Variants in MAP3K14 observed in about 807,000 individuals in gnomAD.
The protein encoded by MAP3K14 is mitogen-activated protein kinase kinase kinase 14.
A neutral mutation model predicts 99.2 loss-of-function variants in MAP3K14; 16 were observed. The ratio of observed to expected loss-of-function variants is 0.16; its 90% CI spans 0.11 to 0.24. The LOEUF (loss-of-function observed/expected upper bound fraction) is 0.24. Among genes scored for constraint, MAP3K14 ranks in the 10% least tolerant of loss-of-function variants. MAP3K14 has a pLI of 1.00. For missense variants in MAP3K14, 784 were observed against 1,208.7 expected (o/e 0.65, Z 5.21); for synonymous variants, 462 against 492.4 (o/e 0.94, Z 0.82).
chr17:45,267,076 G>A lies in MAP3K14; in HGVS notation c.2433+16C>T, dbSNP rs1439224208. The A allele has an allele frequency of 1.9e-6, 3 of 1,554,520 alleles. No individual in the cohort carries two copies. The highest frequency in any genetic ancestry group is 2.6e-6 in the Non-Finnish European group (3 of 1,145,716). ...ACACCCCTGGAGCCATGGCTCCGGG[G>A]CCACAACCGACTCACCTTCTCACTG... On this transcript the variant is annotated intron_variant, in intron 13 of 15. Coordinates refer to ENST00000344686, the MANE Select transcript of MAP3K14 (RefSeq NM_003954.5). This position sits in a 1 kb window ranked among gnomAD's most constrained non-coding sequence, Gnocchi z 5.1.
chr17:45,271,164 C>T lies in MAP3K14; in HGVS notation c.1715G>A (p.Ser572Asn). 1 of 1,613,598 alleles carries T rather than the reference C, an allele frequency of 6.2e-7. No individual in the cohort carries two copies. The highest frequency in any genetic ancestry group is 8.5e-7 in the Non-Finnish European group (1 of 1,179,806). ...HMAPEVVLGR[S>N]CDAKVDVWSS... ...CCAGACATCCACCTTGGCGTCGCAGCTCCTGCCCAGCACCACCTCCGGAGC... is the reference window on the plus strand; with the variant it reads ...CCAGACATCCACCTTGGCGTCGCAGTTCCTGCCCAGCACCACCTCCGGAGC... Residue 572 changes from serine (S) to asparagine (N), a missense_variant, in exon 10 of 16, where the codon AGC (serine) becomes AAC (asparagine). Physicochemically the swap from Ser to Asn is conservative, Grantham distance 46. Transcript: ENST00000344686.
intron 1 of MAP3K14, among the ~76,000 whole-genome samples, chr17:45,302,785 C>A (rs1356000946): frequency 3.9e-5 from 6 of 152,218 alleles, no homozygotes; most frequent in African/African-American, 9.6e-5. Context: ...CATGTGTGGG[C>A]AGGAAACTTC....
chr17:45,305,944 A>G (rs1054260117), intron 1 of MAP3K14, among the ~76,000 whole-genome samples: 4 of 152,326 alleles, frequency 2.6e-5, no homozygotes, highest in Non-Finnish European at 5.9e-5. Context: ...CTGCGTGATG[A>G]ACTGGGACCC....
In MAP3K14 at chr17:45,266,634, G is replaced by A. The variant is rs1274303569; in HGVS notation, c.2481C>T (p.Gly827=). Reference sequence around the variant, plus strand: ...CGGCCTGGCTGCTCCAGGAGTGTACGCCTGAGCTCAGGGTGTCCCGCGAGC... The same window carrying A: ...CGGCCTGGCTGCTCCAGGAGTGTACACCTGAGCTCAGGGTGTCCCGCGAGC... ...SQSSRDTLSS[G]VHSWSSQAEA... The change falls in exon 14 of 16, where the codon GGC becomes GGT. Residue 827 remains glycine (G), a synonymous_variant. Coordinates refer to ENST00000344686, the MANE Select transcript of MAP3K14 (RefSeq NM_003954.5). 13 of 1,613,476 alleles carry A rather than the reference G, an allele frequency of 8.1e-6. No homozygotes were observed. Among genetic ancestry groups the A allele is most frequent in the African/African-American group, 5.3e-5 (4 of 74,914 alleles).
intron 1 of MAP3K14, among the ~76,000 whole-genome samples, chr17:45,291,128 C>T (rs1638611981): frequency 6.6e-6 from 1 of 152,146 alleles, no homozygotes; most frequent in African/African-American, 2.4e-5. Context: ...TTATGGCAAA[C>T]TTTGTTTCCC....
chr17:45,310,513 A>G (rs2044466431), intron 1 of MAP3K14, among the ~76,000 whole-genome samples: 1 of 152,114 alleles, frequency 6.6e-6, no homozygotes, highest in South Asian at 2.1e-4. Flanking sequence ...GGCTACAATA[A>G]TTCTTTGCAC....
intron 1 of MAP3K14, 79 bp from the exon 2 acceptor site, chr17:45,290,844 G>A: frequency 1.4e-6 from 2 of 1,435,070 alleles, no homozygotes; most frequent in Admixed American, 2.0e-5. Context: ...GGTTGGGGGA[G>A]AAAGGCAGGG....
chr17:45,306,492 T>A (rs989850064), intron 1 of MAP3K14, among the ~76,000 whole-genome samples: 6 of 152,152 alleles, frequency 3.9e-5, no homozygotes, highest in Non-Finnish European at 7.4e-5. Flanking sequence ...GAAGAAAGAC[T>A]CCAAGCTGGA....
At chr17:45,275,607 T>C (rs2044173875) in intron 6 of MAP3K14, among the ~76,000 whole-genome samples, 1 of 152,072 alleles carries the variant, frequency 6.6e-6, no homozygotes, top group Non-Finnish European at 1.5e-5. Context: ...GAACATTTTT[T>C]CCTCCAGCTA....
At chr17:45,290,854 G>C in intron 1 of MAP3K14, 89 bp from the exon 2 acceptor site, 1 of 1,318,708 alleles carries the variant, frequency 7.6e-7, no homozygotes, top group Non-Finnish European at 1.1e-6. Context: ...GAAAGGCAGG[G>C]GCAAAGGGTC....
At chr17:45,296,040 CAT>C (rs1352882845) in intron 1 of MAP3K14, among the ~76,000 whole-genome samples, 2 of 152,274 alleles carry the variant, frequency 1.3e-5, no homozygotes, top group Non-Finnish European at 2.9e-5. Flanking sequence ...AAATCCCTCT[CAT>C]GACTATTTCA....
chr17:45,270,915 A>G, intron 10 of MAP3K14, 143 bp downstream of exon 10: 1 of 1,182,976 alleles, frequency 8.5e-7, no homozygotes, highest in South Asian at 1.3e-5. Context: ...TTTGGGTGGC[A>G]AGTATTTGAA....
chr17:45,303,652 C>T (rs1249410331), intron 1 of MAP3K14, among the ~76,000 whole-genome samples: 4 of 152,202 alleles, frequency 2.6e-5, no homozygotes, highest in African/African-American at 9.6e-5. Context: ...GGCACCGTCC[C>T]GTCCTCTCTG....
At position 45,287,303 on chromosome 17, in the gene MAP3K14, C is replaced by T. The variant is rs1448252739; in HGVS notation, c.388G>A (p.Ala130Thr). The change falls in exon 4 of 16, where the codon GCC becomes ACC. Residue 130 changes from alanine to threonine, a missense_variant. Coordinates refer to ENST00000344686, the MANE Select transcript of MAP3K14 (RefSeq NM_003954.5). ...NVAHATEGKMARVCWKGKRRS... is the reference protein window; with the variant it reads ...NVAHATEGKMTRVCWKGKRRS... ...CGCTTTCCCTTCCAACACACACGGGCCATTTTGCCCTCTGTAGCATGGGCC... is the reference window on the plus strand; with the variant it reads ...CGCTTTCCCTTCCAACACACACGGGTCATTTTGCCCTCTGTAGCATGGGCC... 1 of 1,614,038 alleles carries T rather than the reference C, an allele frequency of 6.2e-7. No individual in the cohort carries two copies. The highest frequency in any genetic ancestry group is 1.7e-5 in the Admixed American group (1 of 60,028).
chr17:45,278,081 T>G (rs1257996892), intron 6 of MAP3K14, among the ~76,000 whole-genome samples: 1 of 152,184 alleles, frequency 6.6e-6, no homozygotes, highest in Non-Finnish European at 1.5e-5. Context: ...ACAGAACTGT[T>G]GGGTATTTGT....
At position 45,264,734 on chromosome 17, in the gene MAP3K14, G is replaced by A; in HGVS notation, c.2746C>T (p.Pro916Ser). ...GQPVRYDMEV[P>S]DSGIDLQCTL... ...CACTGCAGGTCGATGCCCGAGTCTG[G>A]CACCTCCATGTCGTAGCGAACAGGC... Residue 916 changes from proline (P) to serine (S), a missense_variant, in exon 16 of 16, where the codon CCA (proline) becomes TCA (serine). Transcript: ENST00000344686. 2 of 1,612,828 alleles carry A rather than the reference G, an allele frequency of 1.2e-6. No individual in the cohort carries two copies. Among genetic ancestry groups the A allele is most frequent in the Non-Finnish European group, 1.7e-6 (2 of 1,179,490 alleles).
rs56302559 is a variant in MAP3K14 at position 45,267,442 on chromosome 17, T to C, written c.2290A>G (p.Thr764Ala). Residue 764 changes from threonine (T) to alanine (A), a missense_variant, in exon 12 of 16, where the codon ACC becomes GCC. Physicochemically the swap from Thr to Ala is moderately conservative, Grantham distance 58. Transcript: ENST00000344686. The surrounding 1 kb of genome is among the most constrained non-coding windows in gnomAD (Gnocchi z 5.1). ...TGCTGCAGTTCCTGCTCCGGGACGG[T>C]TGCTTTCCGCTCTGGTGAGCTGGGG... ...RNPSSPERKA[T>A]VPEQELQQLE... The C allele has an allele frequency of 2.9e-3, 4,653 of 1,606,984 alleles. 8 individuals are homozygous for C. The highest frequency in any genetic ancestry group is 3.7e-3 in the Non-Finnish European group (4,391 of 1,176,708).
intron 1 of MAP3K14, among the ~76,000 whole-genome samples, chr17:45,291,521 C>T (rs1229331096): frequency 6.6e-6 from 1 of 152,170 alleles, no homozygotes; most frequent in Non-Finnish European, 1.5e-5. Flanking sequence ...CTAACACGAA[C>T]CTATACCTCT....
Position 45,286,857 on chromosome 17 carries a change from C to T in MAP3K14, c.726G>A (p.Leu242=). Residue 242 remains leucine, a synonymous_variant, in exon 5 of 16, where the codon CTG becomes CTA. Transcript: ENST00000344686. This position sits in a 1 kb window ranked among gnomAD's most constrained non-coding sequence, Gnocchi z 4.1. ...PLQCLNHVWK[L]HHPQDGGPLP... ...GGGGGCCTCCGTCCTGGGGGTGGTG[C>T]AGTTTCCACACGTGGTTCAGACATT... is the stretch of plus-strand genomic sequence containing the variant. 1.2e-6 allele frequency: 2 copies of T among 1,613,986 alleles called. No homozygotes were observed. Among genetic ancestry groups the T allele is most frequent in the African/African-American group, 2.7e-5 (2 of 75,036 alleles).
Sources: gnomAD v4.1 joint callset for allele counts (sites outside exome capture counted in the v4.1 genomes callset) on GRCh38, gnomAD v4.1.1 for gene constraint, Gnocchi (gnomAD v3.1) non-coding constraint, MANE v1.5 for transcripts, NCBI Gene and HGNC (gene_info 2026-07-23, HGNC 2026-07-21) for gene names.